The following ERAP1 variants were observed in gnomAD, a reference collection of about 807,000 sequenced individuals.
ERAP1 encodes the protein adipocyte-derived leucine aminopeptidase.
ERAP1 carries 86 observed loss-of-function variants against 103.7 expected under a neutral mutation model. The ratio of observed to expected loss-of-function variants is 0.83; its 90% CI spans 0.70 to 0.99. ERAP1 has a LOEUF of 0.99. Among genes scored for constraint, ERAP1 ranks in the 50% least tolerant of loss-of-function variants. The pLI is 0.00. For missense variants in ERAP1, 1,009 were observed against 1,128.4 expected (o/e 0.89, Z 1.52); for synonymous variants, 398 against 402.4 (o/e 0.99, Z 0.13).
Position 96,795,144 on chromosome 5 carries a change from G to T in ERAP1, c.817C>A (p.Pro273Thr). ...TAATCTGCTTGATTTATCTTGTCTG[G>T]CACAGCATAAACAGAAACCTAAAGA... ...SGVKVSVYAV[P>T]DKINQADYAL... Residue 273 changes from proline (P) to threonine (T), a missense_variant, in exon 5 of 19, where the codon CCA (proline) becomes ACA (threonine). Transcript: ENST00000443439. The T allele has an allele frequency of 6.2e-7, 1 of 1,613,550 alleles. No homozygotes were observed.
At chr5:96,893,638 T>C in the ERAP1 span, among the ~76,000 whole-genome samples, 2 of 152,288 alleles carry the variant, frequency 1.3e-5, no homozygotes, top group Admixed American at 6.5e-5. Flanking sequence ...CTCCCTTTAA[T>C]AGCTTCTCTT....
At chr5:96,785,560 T>C in intron 13 of ERAP1, 2 of 542,824 alleles carry the variant, frequency 3.7e-6, no homozygotes, top group Non-Finnish European at 6.6e-6. Flanking sequence ...TCTGAATTAT[T>C]AATGAGAAAG....
chr5:96,882,325 A>G, the ERAP1 span, among the ~76,000 whole-genome samples: 1 of 152,096 alleles, frequency 6.6e-6, no homozygotes, highest in South Asian at 2.1e-4. Context: ...AGAGGGGGAG[A>G]TATTTGGAGT....
chr5:96,900,214 T>C, the ERAP1 span: 1 of 1,612,810 alleles, frequency 6.2e-7, no homozygotes, highest in Non-Finnish European at 8.5e-7. Flanking sequence ...AGTCACAGAG[T>C]AGAAGAGATC....
chr5:96,905,918 GGA>G, the ERAP1 span, among the ~76,000 whole-genome samples: 1 of 150,356 alleles, frequency 6.7e-6, no homozygotes, highest in Non-Finnish European at 1.5e-5. Context: ...CATTTAGTTT[GGA>G]GAGATAATTT....
the ERAP1 span, chr5:96,901,418 C>T: frequency 7.0e-7 from 1 of 1,425,398 alleles, no homozygotes; most frequent in South Asian, 1.3e-5. Flanking sequence ...AGCCTTGTTT[C>T]TGGCATCCAA....
the ERAP1 span, among the ~76,000 whole-genome samples, chr5:96,933,480 C>A: frequency 2.0e-5 from 3 of 152,024 alleles, no homozygotes; most frequent in African/African-American, 7.3e-5. Context: ...GGGTGGGAGG[C>A]AAGAGGTTGG....
chr5:96,915,655 A>G, the ERAP1 span: 38 of 1,349,896 alleles, frequency 2.8e-5, no homozygotes, highest in Non-Finnish European at 3.6e-5. Context: ...CAGTATTTCT[A>G]TGACTTTCTA....
the ERAP1 span, among the ~76,000 whole-genome samples, chr5:96,897,058 C>T: frequency 1.1e-5 from 1 of 93,768 alleles, no homozygotes; most frequent in Non-Finnish European, 2.4e-5. Context: ...GGGGTGGCCC[C>T]AGGGGCTCAC....
chr5:96,904,627 T>G, the ERAP1 span, among the ~76,000 whole-genome samples: 1 of 152,174 alleles, frequency 6.6e-6, no homozygotes, highest in African/African-American at 2.4e-5. Context: ...AGAAGCAAGC[T>G]ATTGCTAGTT....
intron 19 of ERAP1, chr5:96,765,144 G>A: frequency 2.4e-6 from 2 of 823,094 alleles, no homozygotes; most frequent in South Asian, 2.9e-5. Context: ...CTCCTGAAAA[G>A]ATGGAGTTCC....
the ERAP1 span, among the ~76,000 whole-genome samples, chr5:96,815,435 G>T: frequency 1.4e-5 from 2 of 140,816 alleles, no homozygotes; most frequent in African/African-American, 5.2e-5. Context: ...TTTTGAGATG[G>T]GATTTTGCTC....
At chr5:96,867,940 G>A in the ERAP1 span, among the ~76,000 whole-genome samples, 28 of 152,214 alleles carry the variant, frequency 1.8e-4, no homozygotes, top group African/African-American at 6.5e-4. Context: ...CAGGTTTGGT[G>A]GCGAGTGCCT....
chr5:96,875,764 T>C, the ERAP1 span, among the ~76,000 whole-genome samples: 2 of 152,168 alleles, frequency 1.3e-5, no homozygotes, highest in African/African-American at 4.8e-5. Flanking sequence ...TCCATCAGGC[T>C]GTTGGAATTA....
the ERAP1 span, among the ~76,000 whole-genome samples, chr5:96,875,247 C>CA: frequency 6.6e-6 from 1 of 151,924 alleles, no homozygotes; most frequent in Non-Finnish European, 1.5e-5. Flanking sequence ...GAAAATGATT[C>CA]AAAAAGGCCA....
At chr5:96,906,838 C>A in the ERAP1 span, among the ~76,000 whole-genome samples, 2 of 152,178 alleles carry the variant, frequency 1.3e-5, no homozygotes, top group Non-Finnish European at 2.9e-5. Context: ...TCAAGACCAG[C>A]CTGGCCAACA....
At chr5:96,903,135 A>G in the ERAP1 span, among the ~76,000 whole-genome samples, 14 of 152,208 alleles carry the variant, frequency 9.2e-5, no homozygotes, top group African/African-American at 3.4e-4. Flanking sequence ...ACCTGCATAG[A>G]CAATTTTTTA....
chr5:96,852,293 T>C, the ERAP1 span, among the ~76,000 whole-genome samples: 1 of 152,214 alleles, frequency 6.6e-6, no homozygotes, highest in Non-Finnish European at 1.5e-5. Context: ...GGACAAATGC[T>C]GAGTGTGGAC....
the ERAP1 span, among the ~76,000 whole-genome samples, chr5:96,884,816 G>A: frequency 2.6e-5 from 4 of 152,142 alleles, no homozygotes; most frequent in East Asian, 1.9e-4. Flanking sequence ...AGTGCTAGTA[G>A]AGGCAGCATA....
Sources: gnomAD v4.1 joint callset for allele counts (sites outside exome capture counted in the v4.1 genomes callset) on GRCh38, gnomAD v4.1.1 for gene constraint, MANE v1.5 for transcripts, NCBI Gene and HGNC (gene_info 2026-07-23, HGNC 2026-07-21) for gene names.